CCDC6: variants seen among roughly 807,000 people sequenced by gnomAD.
CCDC6 encodes coiled-coil domain-containing protein 6.
A neutral mutation model predicts 56.6 loss-of-function variants in CCDC6; 20 were observed. The ratio of observed to expected loss-of-function variants is 0.35; its 90% CI spans 0.25 to 0.51. The LOEUF (loss-of-function observed/expected upper bound fraction) is 0.51. Among genes scored for constraint, CCDC6 ranks in the 20% least tolerant of loss-of-function variants. The probability of loss-of-function intolerance (pLI) is 0.95; values close to 1 mark genes in which losing one functional copy is unlikely to be tolerated. For synonymous variants in CCDC6, 241 were observed against 234.4 expected (o/e 1.03, Z -0.26); for missense variants, 367 against 601.1 (o/e 0.61, Z 4.07).
At chr10:59,859,833 GGCGGGCATATCATTTGA>G (rs1416543737) in intron 1 of CCDC6, among the ~76,000 whole-genome samples, 2 of 151,796 alleles carry the variant, frequency 1.3e-5, no homozygotes, top group African/African-American at 2.4e-5. Flanking sequence ...GGGAGGCTGA[GGCGGGCATATCATTTGA>G]GGCCGGCATA....
intron 3 of CCDC6, among the ~76,000 whole-genome samples, chr10:59,821,865 T>C (rs1460311310): frequency 6.6e-6 from 1 of 152,198 alleles, no homozygotes; most frequent in Non-Finnish European, 1.5e-5. Flanking sequence ...CGTTGATAAT[T>C]TATCTTCCTA....
intron 3 of CCDC6, among the ~76,000 whole-genome samples, chr10:59,820,475 A>G (rs1360313685): frequency 6.6e-6 from 1 of 152,224 alleles, no homozygotes; most frequent in Non-Finnish European, 1.5e-5. Context: ...GTACTAATCC[A>G]GGCGTAATAA....
rs1162855189 is a variant in CCDC6, at chr10:59,792,412, CT to C, written c.*504del. Reference sequence around the variant, plus strand: ...ATGTCTTGGGCACTGATTCATCTAACTTTCTGTTCTACACTGAAAGCCAGAT... The same window carrying C: ...ATGTCTTGGGCACTGATTCATCTAACTTCTGTTCTACACTGAAAGCCAGAT... On this transcript the variant is annotated 3_prime_UTR_variant, in exon 9 of 9. Transcript: ENST00000263102. 9.6e-6 allele frequency: 4 copies of C among 417,336 alleles called. No homozygotes were observed. Among genetic ancestry groups the C allele is most frequent in the Non-Finnish European group, 1.8e-5 (4 of 220,244 alleles). The allele number at this position is 417,336 out of a possible 1,614,324, so 25.9% of individuals were successfully genotyped here. A position where few individuals can be genotyped will look rare whatever the true frequency, so the allele number is the denominator to read the frequency against.
intron 8 of CCDC6, among the ~76,000 whole-genome samples, chr10:59,793,737 T>A (rs897278355): frequency 1.4e-5 from 2 of 147,540 alleles, no homozygotes; most frequent in South Asian, 4.3e-4. Flanking sequence ...TGAGCAGACA[T>A]CATGCTGCTG....
intron 2 of CCDC6, among the ~76,000 whole-genome samples, chr10:59,837,338 G>C (rs1465587154): frequency 6.6e-6 from 1 of 152,206 alleles, no homozygotes; most frequent in Non-Finnish European, 1.5e-5. Flanking sequence ...CTGGATCCTA[G>C]GTTTTGTAAA....
intron 2 of CCDC6, among the ~76,000 whole-genome samples, chr10:59,849,305 G>A (rs1304376639): frequency 6.6e-6 from 1 of 152,154 alleles, no homozygotes; most frequent in African/African-American, 2.4e-5. Context: ...ACAAAAGCAA[G>A]GGAGAAGAGC....
rs577264374 is a variant in CCDC6, at chr10:59,836,102, C to T, written c.454-3449G>A. Among the ~76,000 whole-genome samples, 5 of 150,154 alleles carry T rather than the reference C, an allele frequency of 3.3e-5. No homozygotes were observed. In the East Asian group the frequency reaches 7.8e-4, roughly 23 times the overall value. ...TTGCTTGAGAGAAGCACAGAAGCAC[C>T]TCAGTCCCCTAAAATCATGAGACAA... is the stretch of plus-strand genomic sequence containing the variant. On this transcript the variant is annotated intron_variant, in intron 2 of 8. Coordinates refer to ENST00000263102, the MANE Select transcript of CCDC6 (RefSeq NM_005436.5).
chr10:59,811,874 C>T (rs1332684587), intron 5 of CCDC6, among the ~76,000 whole-genome samples: 1 of 151,862 alleles, frequency 6.6e-6, no homozygotes, highest in Admixed American at 6.6e-5. Context: ...ACAGTTCAAA[C>T]CCGTGTTGTT....
chr10:59,898,819 G>C (rs2071482836), intron 1 of CCDC6, among the ~76,000 whole-genome samples: 1 of 152,186 alleles, frequency 6.6e-6, no homozygotes, highest in Admixed American at 6.5e-5. Context: ...GGCGGGGGCA[G>C]AGAGGGGAGA....
chr10:59,825,525 G>A (rs1589041790), intron 3 of CCDC6, among the ~76,000 whole-genome samples: 12 of 152,186 alleles, frequency 7.9e-5, no homozygotes, highest in Admixed American at 7.2e-4. Flanking sequence ...TTTTACAGGA[G>A]TTAGTAAAAC....
rs897660015 is a variant in CCDC6, at chr10:59,790,399, G to A, written c.*2518C>T. 18 of 217,330 alleles carry A rather than the reference G, an allele frequency of 8.3e-5. No individual in the cohort carries two copies. The highest frequency in any genetic ancestry group is 3.8e-4 in the African/African-American group (17 of 44,362). The allele number at this position is 217,330 out of a possible 1,614,324, so 13.5% of individuals were successfully genotyped here. A position where few individuals can be genotyped will look rare whatever the true frequency, so the allele number is the denominator to read the frequency against. On this transcript the variant is annotated 3_prime_UTR_variant, in exon 9 of 9. Transcript: ENST00000263102. The stretch of plus-strand genomic sequence containing the variant: ...GAACCATGTTCAGCCCCCATGAGAA[G>A]TGCCCGACTGAGGGAAGTCAGCTTC...
chr10:59,844,331 T>C (rs3851248), intron 2 of CCDC6, among the ~76,000 whole-genome samples: 77,920 of 151,326 alleles, frequency 0.51, 21,833 homozygotes, highest in African/African-American at 0.75. Flanking sequence ...TGGGTATATA[T>C]CTAAAGGGTT....
intron 2 of CCDC6, among the ~76,000 whole-genome samples, chr10:59,845,640 C>T (rs2070985294): frequency 1.3e-5 from 2 of 152,082 alleles, no homozygotes; most frequent in African/African-American, 2.4e-5. Context: ...AATGTGTGAA[C>T]CTCTTGCTCC....
At chr10:59,882,451 GGC>G (rs754323970) in intron 1 of CCDC6, among the ~76,000 whole-genome samples, 4 of 50,024 alleles carry the variant, frequency 8.0e-5, no homozygotes, top group Admixed American at 2.0e-4. Flanking sequence ...AAGGAAAGCC[GGC>G]GGGAGAAGGA....
chr10:59,800,457 A>G (rs571210649), intron 7 of CCDC6, among the ~76,000 whole-genome samples: 2 of 152,246 alleles, frequency 1.3e-5, no homozygotes, highest in Non-Finnish European at 2.9e-5. Context: ...CTTGCAATCC[A>G]TCCAAATTGT....
intron 1 of CCDC6, among the ~76,000 whole-genome samples, chr10:59,899,456 A>C (rs1308492171): frequency 6.6e-6 from 1 of 152,166 alleles, no homozygotes; most frequent in Non-Finnish European, 1.5e-5. Flanking sequence ...ATTTAAGGAA[A>C]ACACACACAC....
intron 3 of CCDC6, among the ~76,000 whole-genome samples, chr10:59,820,654 A>G (rs1483070607): frequency 6.6e-6 from 1 of 152,140 alleles, no homozygotes; most frequent in Admixed American, 6.6e-5. Context: ...AGGCTAAGGC[A>G]GGCGGATCTC....
chr10:59,856,898 T>TTC (rs1454309545), intron 1 of CCDC6, among the ~76,000 whole-genome samples: 1 of 152,196 alleles, frequency 6.6e-6, no homozygotes, highest in Non-Finnish European at 1.5e-5. Flanking sequence ...TTAGGAACTC[T>TTC]TTGAAGGAAG....
At chr10:59,840,451 C>G (rs890363062) in intron 2 of CCDC6, among the ~76,000 whole-genome samples, 1 of 152,166 alleles carries the variant, frequency 6.6e-6, no homozygotes, top group Non-Finnish European at 1.5e-5. Flanking sequence ...TTCATCCTTG[C>G]GTTTTCCTTA....
Sources: gnomAD v4.1 joint callset for allele counts (sites outside exome capture counted in the v4.1 genomes callset) on GRCh38, gnomAD v4.1.1 for gene constraint, MANE v1.5 for transcripts, NCBI Gene and HGNC (gene_info 2026-07-23, HGNC 2026-07-21) for gene names.